Variants in EPC1 observed in about 807,000 individuals in gnomAD.
EPC1 encodes the protein enhancer of polycomb 1.
A neutral mutation model predicts 98.4 loss-of-function variants in EPC1; 12 were observed. That is an observed-to-expected ratio of 0.12 (90% CI 0.08 to 0.20). EPC1 has a LOEUF of 0.20. Ranked by LOEUF, EPC1 falls within the 10% of genes least tolerant of loss-of-function variation. The pLI is 1.00. For missense variants in EPC1, 729 were observed against 990.5 expected (o/e 0.74, Z 3.54); for synonymous variants, 357 against 363.9 (o/e 0.98, Z 0.21).
chr10:32,292,314 T>C (rs1000665731), intron 5 of EPC1, 182 bp downstream of exon 5: 1 of 424,372 alleles, frequency 2.4e-6, no homozygotes, highest in Non-Finnish European at 3.9e-6. Flanking sequence ...ATCCAGTCAC[T>C]TTTAAAGAAA....
chr10:32,318,916 A>G (rs1836717371), intron 1 of EPC1, among the ~76,000 whole-genome samples: 1 of 152,192 alleles, frequency 6.6e-6, no homozygotes, highest in Non-Finnish European at 1.5e-5. Flanking sequence ...CTCCCTGGTG[A>G]AATTCAAACT....
chr10:32,287,244 G>T lies in EPC1; in HGVS notation c.1006C>A (p.Arg336=). The T allele has an allele frequency of 6.2e-7, 1 of 1,614,014 alleles. No individual in the cohort carries two copies. Among genetic ancestry groups the T allele is most frequent in the Non-Finnish European group, 8.5e-7 (1 of 1,180,016 alleles). The stretch of plus-strand genomic sequence containing the variant: ...ACTTTGGGCTTCTTTTCATATTTCC[G>T]TTTCGGTCGGATAAGATCGGCTTTA... The part of the protein sequence containing the change: ...QDKADLIRPK[R]KYEKKPKVLP... Residue 336 remains arginine, a synonymous_variant, in exon 7 of 14, where the codon CGG becomes AGG. Transcript: ENST00000319778.
upstream of EPC1, chr10:32,347,244 G>C (rs1002197090): frequency 1.7e-5 from 20 of 1,190,304 alleles, no homozygotes; most frequent in Admixed American, 4.4e-4. Flanking sequence ...GCGCGGGCTC[G>C]AGGCCGGCGC....
intron 1 of EPC1, among the ~76,000 whole-genome samples, chr10:32,335,719 C>T (rs1001486521): frequency 6.6e-6 from 1 of 152,192 alleles, no homozygotes; most frequent in African/African-American, 2.4e-5. Context: ...TTTTTAATGA[C>T]AGAATTTACA....
At chr10:32,299,352 A>G (rs1190067501) in intron 2 of EPC1, among the ~76,000 whole-genome samples, 1 of 151,772 alleles carries the variant, frequency 6.6e-6, no homozygotes, top group African/African-American at 2.4e-5. Flanking sequence ...TGCCAGGCTA[A>G]TTTTTGTATT....
chr10:32,343,066 A>G (rs1838472984), intron 1 of EPC1, among the ~76,000 whole-genome samples: 1 of 152,148 alleles, frequency 6.6e-6, no homozygotes, highest in Non-Finnish European at 1.5e-5. Context: ...ACACCAACCA[A>G]GCACTTGTTT....
At position 32,373,234 on chromosome 10, in the gene EPC1, G is replaced by A. The variant is rs551434769; in HGVS notation, c.3+5257C>T. 6.6e-5 allele frequency among the ~76,000 whole-genome samples: 10 copies of A among 152,262 alleles called. 1 individual carries two copies. The South Asian group carries it at 1.9e-3, about 28-fold the overall frequency. ...TCCTTGGCTGCAAAATGGGTATAAT[G>A]ATTGCCCTATTTCCTAATTTTGTGT... On this transcript the variant is annotated intron_variant, in intron 1 of 13. Transcript: ENST00000375110.
chr10:32,291,644 G>T, intron 5 of EPC1: 1 of 159,110 alleles, frequency 6.3e-6, no homozygotes, highest in Non-Finnish European at 1.4e-5. Flanking sequence ...CCTAAATAAA[G>T]CAGGAAAAAG....
At chr10:32,296,725 G>A (rs544443214) in intron 2 of EPC1, among the ~76,000 whole-genome samples, 7 of 152,234 alleles carry the variant, frequency 4.6e-5, no homozygotes, top group Admixed American at 2.6e-4. Context: ...TGGCCAACAC[G>A]GTGAAACCCT....
intron 1 of EPC1, among the ~76,000 whole-genome samples, chr10:32,326,412 C>A (rs1837281346): frequency 6.6e-6 from 1 of 152,068 alleles, no homozygotes. Flanking sequence ...GCTGTATCAC[C>A]CTGGTTCCCC....
chr10:32,344,209 C>T (rs1279578635), intron 1 of EPC1, among the ~76,000 whole-genome samples: 1 of 152,170 alleles, frequency 6.6e-6, no homozygotes, highest in African/African-American at 2.4e-5. Flanking sequence ...CTGCATAACA[C>T]ACTACTTTCA....
chr10:32,315,771 C>T (rs1402616419), intron 1 of EPC1, among the ~76,000 whole-genome samples: 1 of 152,190 alleles, frequency 6.6e-6, no homozygotes, highest in Non-Finnish European at 1.5e-5. Context: ...CCAACTCTTC[C>T]CTGACTCGTT....
chr10:32,312,229 T>G (rs1246378762), intron 1 of EPC1, among the ~76,000 whole-genome samples: 1 of 152,172 alleles, frequency 6.6e-6, no homozygotes, highest in Non-Finnish European at 1.5e-5. Flanking sequence ...GTCCTTTTTC[T>G]ACGAGCAATA....
Position 32,270,972 on chromosome 10 carries a change from C to T in EPC1, c.2369+582G>A, listed in dbSNP as rs1007236565. 5.4e-5 allele frequency among the ~76,000 whole-genome samples: 8 copies of T among 149,132 alleles called. No homozygotes were observed. The South Asian group carries it at 8.6e-4, about 16-fold the overall frequency. ...CAGGAGAACTCCTTCCATCCAAAGA[C>T]GGAAGAAAACTGAGAGCATTATACG... On this transcript the variant is annotated intron_variant, in intron 13 of 13. Transcript: ENST00000319778.
upstream of EPC1, chr10:32,347,232 G>T: frequency 1.6e-6 from 2 of 1,218,252 alleles, no homozygotes; most frequent in South Asian, 8.2e-5. Context: ...CGGGGGGAGG[G>T]AGCGCGGGCT....
At chr10:32,358,290 G>A (rs916108459) in intron 1 of EPC1, among the ~76,000 whole-genome samples, 2 of 152,086 alleles carry the variant, frequency 1.3e-5, no homozygotes, top group Non-Finnish European at 2.9e-5. Flanking sequence ...AGAATGCACT[G>A]ACTTTTCATT....
chr10:32,291,877 A>C (rs1834872665), intron 5 of EPC1: 1 of 152,132 alleles, frequency 6.6e-6, no homozygotes, highest in African/African-American at 2.4e-5. Context: ...GATTGTTGGG[A>C]AAAAATCAAA....
intron 6 of EPC1, among the ~76,000 whole-genome samples, chr10:32,290,483 C>CAAAAAAAAAAAAAAAAAAAA (rs57193296): frequency 2.5e-5 from 1 of 40,154 alleles, no homozygotes; most frequent in African/African-American, 1.3e-4. Context: ...AAGACTCTGT[C>CAAAAAAAAAAAAAAAAAAAA]AAAAAAAAAA....
At chr10:32,360,722 C>T (rs1839420039) in intron 1 of EPC1, among the ~76,000 whole-genome samples, 2 of 152,052 alleles carry the variant, frequency 1.3e-5, no homozygotes, top group African/African-American at 2.4e-5. Context: ...GGTGAAACCC[C>T]GTCTCTACTA....
Sources: allele counts gnomAD v4.1 joint callset (sites outside exome capture counted in the v4.1 genomes callset), GRCh38; gene constraint gnomAD v4.1.1; transcripts MANE v1.5; gene names NCBI Gene and HGNC (gene_info 2026-07-23, HGNC 2026-07-21).